DNAH10: variants seen among roughly 807,000 people sequenced by gnomAD.
DNAH10 encodes axonemal beta dynein heavy chain 10.
A neutral mutation model predicts 506.6 loss-of-function variants in DNAH10; 348 were observed. That is an observed-to-expected ratio of 0.69 (90% CI 0.63 to 0.75). The LOEUF is 0.75. DNAH10 is among the 30% of genes least tolerant of loss of function. The pLI, the probability that DNAH10 is intolerant of heterozygous loss-of-function variation, is 0.00. For missense variants in DNAH10, 5,179 were observed against 5,787.1 expected, an observed-to-expected ratio of 0.89 and a Z score of 3.41; for synonymous variants, 2,059 against 2,198.6, an observed-to-expected ratio of 0.94 and a Z score of 1.78.
At chr12:123,857,473 T>C (rs933383829) in intron 37 of DNAH10, among the ~76,000 whole-genome samples, 7 of 152,372 alleles carry the variant, frequency 4.6e-5, no homozygotes, top group Admixed American at 2.0e-4. Context: ...CTTACGCCTG[T>C]AATCCCAGCA....
At chr12:123,892,519 A>G (rs1435694889) in intron 52 of DNAH10, among the ~76,000 whole-genome samples, 1 of 152,208 alleles carries the variant, frequency 6.6e-6, no homozygotes, top group Non-Finnish European at 1.5e-5. Context: ...GCGGACGCAG[A>G]TCCAAACCAC....
Position 123,799,231 on chromosome 12 carries a change from T to C in DNAH10, c.2164-15T>C. 1 of 1,597,148 alleles carries C rather than the reference T, an allele frequency of 6.3e-7. No individual in the cohort carries two copies. The highest frequency in any genetic ancestry group is 8.6e-7 in the Non-Finnish European group (1 of 1,169,012). On this transcript the variant is annotated splice_polypyrimidine_tract_variant and intron_variant, in intron 13 of 78. Coordinates refer to ENST00000673944, the MANE Select transcript of DNAH10 (RefSeq NM_001372106.1). ...TTTCAAGGACAAAATGACGGTTGCT[T>C]GAATTCTTTGATAGGTCAAACAAAA...
At chr12:123,768,892 A>G (rs1349021841) in intron 2 of DNAH10, among the ~76,000 whole-genome samples, 2 of 151,466 alleles carry the variant, frequency 1.3e-5, no homozygotes, top group Non-Finnish European at 2.9e-5. Context: ...AGGTGCACCA[A>G]CATGCCTGGA....
chr12:123,781,551 C>T (rs754386312), intron 6 of DNAH10, among the ~76,000 whole-genome samples: 2 of 150,994 alleles, frequency 1.3e-5, no homozygotes, highest in African/African-American at 4.9e-5. Flanking sequence ...CTGCAACCTC[C>T]GCCCCCTGGG....
At chr12:123,864,841 C>A in intron 40 of DNAH10, 111 bp downstream of exon 40, 1 of 1,303,570 alleles carries the variant, frequency 7.7e-7, no homozygotes. Flanking sequence ...ACAAACAATG[C>A]ATAAGGGTTT....
intron 77 of DNAH10, among the ~76,000 whole-genome samples, 159 bp downstream of exon 77, chr12:123,933,670 C>G (rs2137764583): frequency 6.6e-6 from 1 of 152,340 alleles, no homozygotes; most frequent in Middle Eastern, 3.4e-3. Context: ...CTGCACTGCC[C>G]ATGTCTTAAC....
intron 51 of DNAH10, chr12:123,882,043 G>T: frequency 2.5e-6 from 1 of 393,460 alleles, no homozygotes; most frequent in Non-Finnish European, 4.4e-6. Context: ...CTTAGGATAG[G>T]GTTACATCCT....
At chr12:123,825,150 C>T (rs1959834459) in intron 24 of DNAH10, among the ~76,000 whole-genome samples, 1 of 152,124 alleles carries the variant, frequency 6.6e-6, no homozygotes, top group Non-Finnish European at 1.5e-5. Flanking sequence ...GCACCAGATG[C>T]TGCTGATAGA....
Position 123,850,805 on chromosome 12 carries a change from A to C in DNAH10, c.6103-83A>C. 7.2e-7 allele frequency: 1 copy of C among 1,392,994 alleles called. No individual in the cohort carries two copies. The highest frequency in any genetic ancestry group is 9.7e-7 in the Non-Finnish European group (1 of 1,028,836). 86.3% of individuals were successfully genotyped at this position (1,392,994 alleles called of 1,614,324 possible). A position where few individuals can be genotyped will look rare whatever the true frequency, so the allele number is the denominator to read the frequency against. ...ATACCATGAAAATGAATCGCCACGC[A>C]GCTCGCCGCAGGCCCCCTTTCCAAG... is the stretch of plus-strand genomic sequence containing the variant. On this transcript the variant is annotated intron_variant, in intron 34 of 78. Transcript: ENST00000673944. The surrounding 1 kb of genome is among the most constrained non-coding windows in gnomAD (Gnocchi z 5.5).
intron 43 of DNAH10, among the ~76,000 whole-genome samples, chr12:123,868,459 T>A (rs1311847954): frequency 6.6e-6 from 1 of 152,206 alleles, no homozygotes; most frequent in African/African-American, 2.4e-5. Flanking sequence ...ATCTGTCTTT[T>A]TAATTTTTAT....
chr12:123,861,986 G>A (rs989773850), intron 39 of DNAH10, among the ~76,000 whole-genome samples: 22 of 152,168 alleles, frequency 1.4e-4, no homozygotes, highest in Admixed American at 3.3e-4. Flanking sequence ...TCCTGTTCTG[G>A]AGGATTCCAG....
chr12:123,804,749 C>A, intron 17 of DNAH10, 84 bp from the exon 18 acceptor site: 1 of 1,407,682 alleles, frequency 7.1e-7, no homozygotes, highest in Non-Finnish European at 9.8e-7. Flanking sequence ...TTTTTTAAGA[C>A]ACACAGCTCA....
At chr12:123,821,231 CA>C (rs1319457597) in intron 24 of DNAH10, among the ~76,000 whole-genome samples, 14 of 149,398 alleles carry the variant, frequency 9.4e-5, no homozygotes, top group Admixed American at 8.7e-4. Context: ...GCCTGGGCGA[CA>C]AGAGCGAAAC....
chr12:123,926,857 G>C lies in DNAH10; in HGVS notation c.12105+37G>C. ...CTGAAAGGAACAAGCTCTACGTTTAGGGGAGGTCCCTGGTGTCTGCTAAGA... is the reference window on the plus strand; with the variant it reads ...CTGAAAGGAACAAGCTCTACGTTTACGGGAGGTCCCTGGTGTCTGCTAAGA... On this transcript the variant is annotated intron_variant, in intron 69 of 78. Transcript: ENST00000673944. The surrounding 1 kb of genome is among the most constrained non-coding windows in gnomAD (Gnocchi z 4.1). The C allele has an allele frequency of 6.2e-7, 1 of 1,607,456 alleles. No individual in the cohort carries two copies. The highest frequency in any genetic ancestry group is 8.5e-7 in the Non-Finnish European group (1 of 1,178,296).
In DNAH10 at chr12:123,785,639, A is replaced by G. The variant is rs74434568; in HGVS notation, c.1231-107A>G. On this transcript the variant is annotated intron_variant, in intron 8 of 78. Coordinates refer to ENST00000673944, the MANE Select transcript of DNAH10 (RefSeq NM_001372106.1). The surrounding 1 kb of genome is among the most constrained non-coding windows in gnomAD (Gnocchi z 4.1). ...GGGCACCAGACTTGGTCTCAAGGAA[A>G]AAAAAAAAAAAAAAAGAGTGAAACT... 1.0e-5 allele frequency: 6 copies of G among 591,474 alleles called. No individual in the cohort carries two copies. The highest frequency in any genetic ancestry group is 2.3e-5 in the African/African-American group (1 of 43,728). The allele number at this position is 591,474 out of a possible 1,614,324, so 36.6% of individuals were successfully genotyped here. A position where few individuals can be genotyped will look rare whatever the true frequency, so the allele number is the denominator to read the frequency against.
chr12:123,918,925 A>G lies in DNAH10; in HGVS notation c.11482A>G (p.Ser3828Gly), dbSNP rs777537094. 9 of 1,613,232 alleles carry G rather than the reference A, an allele frequency of 5.6e-6. No individual in the cohort carries two copies. Among genetic ancestry groups the G allele is most frequent in the Non-Finnish European group, 5.9e-6 (7 of 1,179,594 alleles). Residue 3828 changes from serine to glycine, a missense_variant, in exon 65 of 79, where the codon AGC becomes GGC. By Grantham distance (56) the Ser-to-Gly change is moderately conservative (BLOSUM62 0). Around this residue, in one of 3 missense-constraint regions of DNAH10, gnomAD observed 4,844 missense variants for 5,430.5 expected, o/e 0.89. Transcript: ENST00000673944. ...LRNIMDTLTF[S>G]IYNHGCTGLF... ...GAACATCATGGACACGCTGACCTTC[A>G]GCATCTATAACCACGGCTGCACAGG...
chr12:123,861,615 G>C (rs1159578485), intron 39 of DNAH10, among the ~76,000 whole-genome samples: 1 of 152,270 alleles, frequency 6.6e-6, no homozygotes, highest in Non-Finnish European at 1.5e-5. Flanking sequence ...TCCATCTGTA[G>C]ACGTGGTTGA....
chr12:123,882,839 A>G (rs1208982213), intron 51 of DNAH10, among the ~76,000 whole-genome samples: 3 of 151,634 alleles, frequency 2.0e-5, no homozygotes, highest in Non-Finnish European at 4.4e-5. Flanking sequence ...TTTCAAAAAG[A>G]AAAAGAAATC....
intron 51 of DNAH10, among the ~76,000 whole-genome samples, chr12:123,883,690 G>A (rs185017849): frequency 5.9e-5 from 9 of 152,276 alleles, no homozygotes; most frequent in Non-Finnish European, 7.3e-5. Context: ...ACCTAACAGC[G>A]GCTATCTTTA....
Sources: gnomAD v4.1 joint callset for allele counts (sites outside exome capture counted in the v4.1 genomes callset) on GRCh38, gnomAD v4.1.1 for gene constraint, gnomAD v4.1.1 regional missense constraint, Gnocchi (gnomAD v3.1) non-coding constraint, MANE v1.5 for transcripts, NCBI Gene and HGNC (gene_info 2026-07-23, HGNC 2026-07-21) for gene names.